Variants in ORC5 observed in about 807,000 individuals in gnomAD.
The protein encoded by ORC5 is protein phosphatase 1, regulatory subunit 117.
In ORC5, 39 loss-of-function variants were observed where a neutral mutation model predicts 58.8. The observed-to-expected ratio is 0.66, with a 90% CI of 0.51 to 0.87. The LOEUF is 0.87. ORC5 is among the 40% of genes least tolerant of loss of function. The probability of loss-of-function intolerance (pLI) is 0.00; values close to 1 mark genes in which losing one functional copy is unlikely to be tolerated. For missense variants in ORC5, 493 were observed against 506.3 expected (o/e 0.97, Z 0.25); for synonymous variants, 218 against 177.6 (o/e 1.23, Z -1.81).
intron 4 of ORC5, 25 bp downstream of exon 4, chr7:104,197,699 AG>A: frequency 6.6e-7 from 1 of 1,508,506 alleles, no homozygotes; most frequent in South Asian, 1.2e-5. Context: ...AGTTGTGGGG[AG>A]AAAGCACTTT....
chr7:104,186,322 G>A (rs372764777), intron 6 of ORC5, among the ~76,000 whole-genome samples: 3 of 151,968 alleles, frequency 2.0e-5, no homozygotes, highest in East Asian at 1.9e-4. Flanking sequence ...CAGGTTCTGC[G>A]GAGTTGATCG....
chr7:104,197,801 T>G lies in ORC5; in HGVS notation c.367-2A>C. On this transcript the variant is annotated splice_acceptor_variant, in intron 3 of 13. Coordinates refer to ENST00000297431, the MANE Select transcript of ORC5 (RefSeq NM_002553.4). LOFTEE classifies it high-confidence loss of function. The stretch of plus-strand genomic sequence containing the variant: ...TAGATACTCTGCTTTATCTAGAACC[T>G]TTAAAAAACAAAAAAACAAAACAAA... 1 of 1,543,404 alleles carries G rather than the reference T, an allele frequency of 6.5e-7. No individual in the cohort carries two copies. Among genetic ancestry groups the G allele is most frequent in the Non-Finnish European group, 8.7e-7 (1 of 1,144,152 alleles).
intron 5 of ORC5, among the ~76,000 whole-genome samples, chr7:104,190,378 A>G (rs1050928114): frequency 2.0e-5 from 3 of 152,148 alleles, no homozygotes; most frequent in Admixed American, 2.0e-4. Flanking sequence ...AAAAGAATTA[A>G]TCTTTTTTTA....
intron 12 of ORC5, among the ~76,000 whole-genome samples, chr7:104,154,164 T>C (rs1798888200): frequency 6.6e-6 from 1 of 152,110 alleles, no homozygotes; most frequent in African/African-American, 2.4e-5. Flanking sequence ...ATATACAATA[T>C]ACTGATTACT....
At position 104,133,080 on chromosome 7, in the gene ORC5, C is replaced by A. The variant is rs1300724952; in HGVS notation, c.1262+3701G>T. On this transcript the variant is annotated intron_variant, in intron 13 of 13. Coordinates refer to ENST00000297431, the MANE Select transcript of ORC5 (RefSeq NM_002553.4). The surrounding 1 kb of genome is among the most constrained non-coding windows in gnomAD (Gnocchi z 4.7). The stretch of plus-strand genomic sequence containing the variant: ...AGATGGGGCTAGGCACAGGTAGGGG[C>A]CAGATCATTTGGGCCTTGTTAGTTA... Among the ~76,000 whole-genome samples the A allele has an allele frequency of 6.6e-6, 1 of 151,976 alleles. No homozygotes were observed. Among genetic ancestry groups the A allele is most frequent in the African/African-American group, 2.4e-5 (1 of 41,324 alleles).
At chr7:104,194,983 C>CCCATTTGAATATCAAATTCCCATTTG (rs1799765021) in intron 5 of ORC5, among the ~76,000 whole-genome samples, 160 bp downstream of exon 5, 2 of 151,684 alleles carry the variant, frequency 1.3e-5, no homozygotes, top group African/African-American at 4.9e-5. Context: ...ATTCCCATTT[C>CCCATTTGAATATCAAATTCCCATTTG]AATATCAAAT....
intron 6 of ORC5, chr7:104,187,984 A>T: frequency 9.5e-7 from 1 of 1,053,344 alleles, no homozygotes; most frequent in Non-Finnish European, 1.1e-6. Flanking sequence ...TTAGAGAAAA[A>T]ACAAGGAAGA....
chr7:104,198,954 CAG>C (rs1186375584), intron 3 of ORC5, among the ~76,000 whole-genome samples: 9 of 152,258 alleles, frequency 5.9e-5, no homozygotes, highest in African/African-American at 2.2e-4. Context: ...GCTGTTGCTT[CAG>C]AGAGTGCAAG....
chr7:104,132,483 T>C (rs1048525299), intron 13 of ORC5, among the ~76,000 whole-genome samples: 3 of 152,150 alleles, frequency 2.0e-5, no homozygotes, highest in Non-Finnish European at 4.4e-5. Flanking sequence ...TTTTCTTTGG[T>C]AACTATCCTT....
At chr7:104,202,068 C>T (rs912828546) in intron 2 of ORC5, among the ~76,000 whole-genome samples, 1 of 151,668 alleles carries the variant, frequency 6.6e-6, no homozygotes, top group Admixed American at 6.6e-5. Context: ...CCAACCTGGG[C>T]AATAGAGCAA....
chr7:104,183,969 C>G lies in ORC5; in HGVS notation c.798G>C (p.Gln266His), dbSNP rs780431897. ...TTGATATTTCCCTGAGATAAACAGT[C>G]TGCATAGCTTTCTTCAAATGAGGTT... is the stretch of plus-strand genomic sequence containing the variant. ...NIEPHLKKAM[Q>H]TVYLREISSS... is the part of the protein sequence containing the mutation. Residue 266 changes from glutamine to histidine, a missense_variant, in exon 8 of 14, where the codon CAG becomes CAC. By Grantham distance (24) the Gln-to-His change is conservative. Coordinates refer to ENST00000297431, the MANE Select transcript of ORC5 (RefSeq NM_002553.4). 8 of 1,612,654 alleles carry G rather than the reference C, an allele frequency of 5.0e-6. No homozygotes were observed.
chr7:104,135,023 A>G (rs1562802217), intron 13 of ORC5, among the ~76,000 whole-genome samples: 1 of 152,176 alleles, frequency 6.6e-6, no homozygotes, highest in Non-Finnish European at 1.5e-5. Flanking sequence ...GTGGTAAATG[A>G]AAGTGCATGT....
Position 104,198,370 on chromosome 7 carries a change from G to A in ORC5, c.367-571C>T, listed in dbSNP as rs183036509. Among the ~76,000 whole-genome samples the A allele has an allele frequency of 2.4e-4, 37 of 152,270 alleles. No individual in the cohort carries two copies. The East Asian group carries it at 6.6e-3, about 27-fold the overall frequency. On this transcript the variant is annotated intron_variant, in intron 3 of 13. Transcript: ENST00000297431. ...TGGACAATGAAGTACAGACTGAGGTGGTCATAGATGGACATGAGGAACTAA... is the reference window on the plus strand; with the variant it reads ...TGGACAATGAAGTACAGACTGAGGTAGTCATAGATGGACATGAGGAACTAA...
chr7:104,194,981 T>G (rs557334843), intron 5 of ORC5, among the ~76,000 whole-genome samples, 162 bp downstream of exon 5: 90 of 122,590 alleles, frequency 7.3e-4, no homozygotes, highest in African/African-American at 3.8e-3. Flanking sequence ...ATATTCCCAT[T>G]TCAATATCAA....
intron 12 of ORC5, among the ~76,000 whole-genome samples, chr7:104,152,935 C>A (rs1798869400): frequency 6.6e-6 from 1 of 152,012 alleles, no homozygotes; most frequent in African/African-American, 2.4e-5. Flanking sequence ...TTCTAGAGTT[C>A]AGTAAAAATG....
intron 8 of ORC5, among the ~76,000 whole-genome samples, chr7:104,172,133 A>C (rs552806772): frequency 3.9e-5 from 6 of 152,174 alleles, no homozygotes; most frequent in Non-Finnish European, 8.8e-5. Flanking sequence ...TGGTATATAA[A>C]ATGAAGCTTG....
intron 8 of ORC5, among the ~76,000 whole-genome samples, chr7:104,179,438 G>A (rs1476315824): frequency 6.6e-6 from 1 of 151,952 alleles, no homozygotes; most frequent in African/African-American, 2.4e-5. Flanking sequence ...TAATTAGAAG[G>A]GAATTATTTG....
In ORC5 at chr7:104,136,846, G is replaced by A. The variant is rs370689151; in HGVS notation, c.1197C>T (p.Asp399=). The change falls in exon 13 of 14, where the codon GAC becomes GAT. Residue 399 remains aspartate (D), a synonymous_variant. Coordinates refer to ENST00000297431, the MANE Select transcript of ORC5 (RefSeq NM_002553.4). This position sits in a 1 kb window ranked among gnomAD's most constrained non-coding sequence, Gnocchi z 4.2. ...TGTATTTTGGTCCATCAAGCTGATC[G>A]TCATGGCCAACCAGGGTTAACAGCT... is the stretch of plus-strand genomic sequence containing the variant. The part of the protein sequence containing the change: ...TLQLLTLVGH[D]DQLDGPKYKC... 2 of 1,613,946 alleles carry A rather than the reference G, an allele frequency of 1.2e-6. No homozygotes were observed. Among genetic ancestry groups the A allele is most frequent in the Admixed American group, 1.7e-5 (1 of 60,030 alleles).
At chr7:104,134,416 CAAAAAAAAAAAAAA>C (rs1170848776) in intron 13 of ORC5, among the ~76,000 whole-genome samples, 1 of 51,804 alleles carries the variant, frequency 1.9e-5, no homozygotes, top group Non-Finnish European at 3.6e-5. Context: ...CACTCCATCT[CAAAAAAAAAAAAAA>C]AAAAAAAAAA....
Sources: allele counts gnomAD v4.1 joint callset (sites outside exome capture counted in the v4.1 genomes callset), GRCh38; gene constraint gnomAD v4.1.1; non-coding constraint Gnocchi (gnomAD v3.1); transcripts MANE v1.5; gene names NCBI Gene and HGNC (gene_info 2026-07-23, HGNC 2026-07-21).